The following EPAS1 variants were observed in gnomAD, a reference collection of about 807,000 sequenced individuals.
The protein encoded by EPAS1 is endothelial PAS domain-containing protein 1.
Under a neutral mutation model 87.9 loss-of-function variants are expected in EPAS1, and 23 were observed. The ratio of observed to expected loss-of-function variants is 0.26; its 90% CI spans 0.19 to 0.37. The LOEUF (loss-of-function observed/expected upper bound fraction) is 0.37, where lower values mean the gene tolerates loss of function less well. Among genes scored for constraint, EPAS1 ranks in the 10% least tolerant of loss-of-function variants. EPAS1 has a pLI of 1.00. For missense variants in EPAS1, 1,138 were observed against 1,120.7 expected (o/e 1.02, Z -0.22); for synonymous variants, 508 against 444.3 (o/e 1.14, Z -1.80).
chr2:46,334,504 C>A (rs961928705), intron 1 of EPAS1, among the ~76,000 whole-genome samples: 3 of 152,136 alleles, frequency 2.0e-5, no homozygotes, highest in Non-Finnish European at 4.4e-5. Flanking sequence ...TCAAAGCCAA[C>A]CTCCAGCAGA....
Position 46,371,573 on chromosome 2 carries a change from G to A in EPAS1, c.886+1640G>A, listed in dbSNP as rs1243931286. ...GAGGTACTCTTTTATGCCTGTGAAT[G>A]TGACCCCACCTTAGCCTGCCCAAGC... On this transcript the variant is annotated intron_variant, in intron 7 of 15. Coordinates refer to ENST00000263734, the MANE Select transcript of EPAS1 (RefSeq NM_001430.5). The surrounding 1 kb of genome is among the most constrained non-coding windows in gnomAD (Gnocchi z 4.3). Among the ~76,000 whole-genome samples the A allele has an allele frequency of 2.6e-5, 4 of 152,142 alleles. No homozygotes were observed. Among genetic ancestry groups the A allele is most frequent in the Admixed American group, 2.6e-4 (4 of 15,284 alleles).
chr2:46,364,690 G>A (rs2103644209), intron 6 of EPAS1, among the ~76,000 whole-genome samples: 1 of 152,336 alleles, frequency 6.6e-6, no homozygotes, highest in African/African-American at 2.4e-5. Flanking sequence ...ATGGTCAACT[G>A]CTCTAGACAA....
chr2:46,382,502 A>G lies in EPAS1; in HGVS notation c.2365A>G (p.Ile789Val), dbSNP rs749988999. The part of the protein sequence containing the change: ...HLPLPQPPSA[I>V]SPGENSKSRF... ...GCCGCTGCCACAGCCTCCATCTGCCATCAGTCCCGGGGAGAACAGCAAGAG... is the reference window on the plus strand; with the variant it reads ...GCCGCTGCCACAGCCTCCATCTGCCGTCAGTCCCGGGGAGAACAGCAAGAG... Residue 789 changes from isoleucine to valine, a missense_variant, in exon 15 of 16, where the codon ATC becomes GTC. Transcript: ENST00000263734. The G allele has an allele frequency of 3.2e-5, 52 of 1,614,022 alleles. No individual in the cohort carries two copies. The highest frequency in any genetic ancestry group is 4.1e-5 in the Non-Finnish European group (48 of 1,180,032).
chr2:46,360,894 T>G lies in EPAS1; in HGVS notation c.583T>G (p.Cys195Gly). The G allele has an allele frequency of 6.2e-7, 1 of 1,614,180 alleles. No homozygotes were observed. The highest frequency in any genetic ancestry group is 8.5e-7 in the Non-Finnish European group (1 of 1,180,032). ...LKSATWKVLH[C>G]TGQVKVYNNC... is the part of the protein sequence containing the mutation. ...TCCACGCCTGTCTCAGGTCTTGCAC[T>G]GCACGGGCCAGGTGAAAGTCTACAA... Residue 195 changes from cysteine (C) to glycine (G), a missense_variant, in exon 6 of 16, where the codon TGC (cysteine) becomes GGC (glycine). Cys to Gly is a radical substitution (Grantham distance 159, BLOSUM62 -3). Coordinates refer to ENST00000263734, the MANE Select transcript of EPAS1 (RefSeq NM_001430.5). The surrounding 1 kb of genome is among the most constrained non-coding windows in gnomAD (Gnocchi z 4.5).
chr2:46,353,974 C>A (rs1684219156), intron 2 of EPAS1, among the ~76,000 whole-genome samples: 1 of 152,246 alleles, frequency 6.6e-6, no homozygotes, highest in South Asian at 2.1e-4. Context: ...TGATCCTCTG[C>A]AAAAGGCATC....
chr2:46,307,139 C>T (rs1683119684), intron 1 of EPAS1, among the ~76,000 whole-genome samples: 1 of 152,310 alleles, frequency 6.6e-6, no homozygotes, highest in Non-Finnish European at 1.5e-5. Context: ...TCCTGTGTTT[C>T]CAAGAGTTCT....
At chr2:46,321,251 G>C (rs898615563) in intron 1 of EPAS1, among the ~76,000 whole-genome samples, 1 of 152,206 alleles carries the variant, frequency 6.6e-6, no homozygotes, top group Non-Finnish European at 1.5e-5. Context: ...CCTATTGTGT[G>C]TAGACACTAT....
chr2:46,359,281 A>AAAAAAAAAAAAAAAAAAT (rs1684337972), intron 4 of EPAS1, among the ~76,000 whole-genome samples: 1 of 148,862 alleles, frequency 6.7e-6, no homozygotes, highest in Non-Finnish European at 1.5e-5. Flanking sequence ...AAAAAAAAAA[A>AAAAAAAAAAAAAAAAAAT]GATCAAATGT....
chr2:46,336,284 G>T (rs533789606), intron 1 of EPAS1, among the ~76,000 whole-genome samples: 1 of 152,306 alleles, frequency 6.6e-6, no homozygotes, highest in South Asian at 2.1e-4. Context: ...AAGATGTTGT[G>T]TCTGTGCCCT....
At chr2:46,330,300 G>A (rs1176990763) in intron 1 of EPAS1, among the ~76,000 whole-genome samples, 1 of 152,186 alleles carries the variant, frequency 6.6e-6, no homozygotes. Flanking sequence ...TTTCTGAGCT[G>A]TTATCGCTTC....
At chr2:46,320,498 G>C (rs1054162223) in intron 1 of EPAS1, among the ~76,000 whole-genome samples, 2 of 152,172 alleles carry the variant, frequency 1.3e-5, no homozygotes, top group Admixed American at 6.5e-5. Flanking sequence ...TTGATAAATG[G>C]CTTTTCTAAT....
At chr2:46,377,767 G>C in intron 9 of EPAS1, 127 bp from the exon 10 acceptor site, 1 of 1,496,050 alleles carries the variant, frequency 6.7e-7, no homozygotes, top group Non-Finnish European at 9.1e-7. Flanking sequence ...AGGGTGTTGG[G>C]GGGGCCTAGC....
intron 1 of EPAS1, among the ~76,000 whole-genome samples, chr2:46,330,013 A>G (rs767844440): frequency 3.8e-4 from 58 of 152,214 alleles, no homozygotes; most frequent in Non-Finnish European, 6.5e-4. Flanking sequence ...AAATCCAACT[A>G]AGAATGTGTA....
At chr2:46,321,488 C>T (rs1385018858) in intron 1 of EPAS1, among the ~76,000 whole-genome samples, 1 of 152,180 alleles carries the variant, frequency 6.6e-6, no homozygotes, top group Non-Finnish European at 1.5e-5. Flanking sequence ...TTTTCACGAG[C>T]AATGCATAAG....
intron 2 of EPAS1, among the ~76,000 whole-genome samples, chr2:46,355,076 C>T (rs762901317): frequency 6.6e-6 from 1 of 152,218 alleles, no homozygotes; most frequent in Non-Finnish European, 1.5e-5. Context: ...TTCCCATCTA[C>T]ACTTTTCCTT....
At chr2:46,381,518 A>C (rs1345744534) in intron 12 of EPAS1, 78 bp from the exon 13 acceptor site, 3 of 1,609,212 alleles carry the variant, frequency 1.9e-6, no homozygotes, top group Non-Finnish European at 2.5e-6. Context: ...TGGGACTGGA[A>C]GGGCCCCTAA....
rs1055795650 is a variant in EPAS1 at position 46,308,462 on chromosome 2, G to C, written c.26+10525G>C. ...CTAATACCTTGCTTGCTTTTTTTTGGGGGGGGGGGCTCTGAAATCATGCTT... is the reference window on the plus strand; with the variant it reads ...CTAATACCTTGCTTGCTTTTTTTTGCGGGGGGGGGCTCTGAAATCATGCTT... On this transcript the variant is annotated intron_variant, in intron 1 of 15. Transcript: ENST00000263734. 2.3e-4 allele frequency among the ~76,000 whole-genome samples: 32 copies of C among 137,346 alleles called. No homozygotes were observed. In the East Asian group the frequency reaches 7.1e-3, roughly 30 times the overall value. The allele number at this position is 137,346 out of a possible 152,430, so 90.1% of individuals were successfully genotyped here.
chr2:46,329,441 G>C (rs554004231), intron 1 of EPAS1, among the ~76,000 whole-genome samples: 1 of 152,182 alleles, frequency 6.6e-6, no homozygotes, highest in Non-Finnish European at 1.5e-5. Context: ...CAATGAGACC[G>C]AGGAGTTGTC....
chr2:46,345,651 C>T (rs894573384), intron 1 of EPAS1, among the ~76,000 whole-genome samples: 1 of 152,106 alleles, frequency 6.6e-6, no homozygotes, highest in Non-Finnish European at 1.5e-5. Context: ...CAAGGTAGTA[C>T]TGCTTAAAAC....
Sources: allele counts gnomAD v4.1 joint callset (sites outside exome capture counted in the v4.1 genomes callset), GRCh38; gene constraint gnomAD v4.1.1; non-coding constraint Gnocchi (gnomAD v3.1); transcripts MANE v1.5; gene names NCBI Gene and HGNC (gene_info 2026-07-23, HGNC 2026-07-21).